FXN: variants seen among roughly 807,000 people sequenced by gnomAD.
FXN encodes frataxin, also known as frataxin, mitochondrial.
In FXN, 14 loss-of-function variants were observed where a neutral mutation model predicts 22.4. The observed-to-expected ratio is 0.62, with a 90% CI of 0.41 to 0.98. FXN has a LOEUF of 0.98. Among genes scored for constraint, FXN ranks in the 50% least tolerant of loss-of-function variants. FXN has a pLI of 0.00. For missense variants in FXN, 267 were observed against 268.4 expected (o/e 0.99, Z 0.04); for synonymous variants, 120 against 114.1 (o/e 1.05, Z -0.33).
intron 2 of FXN, 24 bp downstream of exon 2, chr9:69,046,506 C>A: frequency 6.6e-7 from 1 of 1,510,876 alleles, no homozygotes; most frequent in South Asian, 1.1e-5. Flanking sequence ...CCTTCCACGT[C>A]ATAGGTATCT....
At position 69,078,065 on chromosome 9, in the gene FXN, G is replaced by C. The variant is rs1300695056; in HGVS notation, c.*5303G>C. 1.0e-6 allele frequency: 1 copy of C among 985,240 alleles called. No homozygotes were observed. The highest frequency in any genetic ancestry group is 1.2e-6 in the Non-Finnish European group (1 of 829,914). 61.0% of individuals were successfully genotyped at this position (985,240 alleles called of 1,614,324 possible). A position where few individuals can be genotyped will look rare whatever the true frequency, so the allele number is the denominator to read the frequency against. On this transcript the variant is annotated 3_prime_UTR_variant, in exon 5 of 5. Coordinates refer to ENST00000484259, the MANE Select transcript of FXN (RefSeq NM_000144.5). ...GATGCTAGCTGAGATTTTTCCAAAA[G>C]AAAATGGCTTAAATAAAACCCTAAG... is the stretch of plus-strand genomic sequence containing the variant.
Position 69,055,039 on chromosome 9 carries a change from G to A in FXN, c.384+1779G>A, listed in dbSNP as rs567002869. Among the ~76,000 whole-genome samples, 177 of 152,324 alleles carry A rather than the reference G, an allele frequency of 1.2e-3. 1 individual carries two copies. The highest frequency in any genetic ancestry group is 3.8e-3 in the African/African-American group (158 of 41,564). On this transcript the variant is annotated intron_variant, in intron 3 of 4. Transcript: ENST00000484259. ...TCAAGCCTGACTATAAGGACAGTGA[G>A]GGAATTGAAAAAACAAAAAAGGAGC...
At position 69,035,919 on chromosome 9, in the gene FXN, T is replaced by G. The variant is rs1464752486; in HGVS notation, c.137T>G (p.Ile46Ser). ...LCGRRGLRTDIDATCTPRRAS... is the reference protein window; with the variant it reads ...LCGRRGLRTDSDATCTPRRAS... Reference sequence around the variant, plus strand: ...GGCCGCCGTGGCCTGCGCACCGACATCGATGCGACCTGCACGCCCCGCCGC... The same window carrying G: ...GGCCGCCGTGGCCTGCGCACCGACAGCGATGCGACCTGCACGCCCCGCCGC... Residue 46 changes from isoleucine to serine, a missense_variant, in exon 1 of 5, where the codon ATC becomes AGC. Ile to Ser is a moderately radical substitution (Grantham distance 142). Transcript: ENST00000484259. The G allele has an allele frequency of 7.0e-7, 1 of 1,430,054 alleles. No homozygotes were observed. Among genetic ancestry groups the G allele is most frequent in the Non-Finnish European group, 9.2e-7 (1 of 1,091,694 alleles). 88.6% of individuals were successfully genotyped at this position (1,430,054 alleles called of 1,614,324 possible). A position where few individuals can be genotyped will look rare whatever the true frequency, so the allele number is the denominator to read the frequency against.
chr9:69,039,925 G>A (rs1452813519), intron 1 of FXN, among the ~76,000 whole-genome samples: 1 of 152,106 alleles, frequency 6.6e-6, no homozygotes, highest in Non-Finnish European at 1.5e-5. Context: ...ATATGGTAAG[G>A]GGCTGAGTGT....
intron 1 of FXN, among the ~76,000 whole-genome samples, chr9:69,041,182 A>G (rs1386638736): frequency 2.6e-5 from 4 of 152,140 alleles, no homozygotes; most frequent in African/African-American, 4.8e-5. Flanking sequence ...AATTCTGTTC[A>G]TCGTACCCTC....
rs78630091 is a variant in FXN at position 69,070,516 on chromosome 9, T to G, written c.483-2096T>G. Reference sequence around the variant, plus strand: ...TGCAGAACACCAGCTGGTTTGATTCTGTTTTCCCTGTACCTGGGTCCTGAA... The same window carrying G: ...TGCAGAACACCAGCTGGTTTGATTCGGTTTTCCCTGTACCTGGGTCCTGAA... On this transcript the variant is annotated intron_variant, in intron 4 of 4. Transcript: ENST00000484259. Among the ~76,000 whole-genome samples the G allele has an allele frequency of 1.1e-3, 173 of 152,298 alleles. 1 individual carries two copies. Among genetic ancestry groups the G allele is most frequent in the African/African-American group, 4.1e-3 (170 of 41,570 alleles).
Position 69,072,849 on chromosome 9 carries a change from TTG to T in FXN, c.*89_*90del. The T allele has an allele frequency of 1.9e-6, 3 of 1,605,862 alleles. No homozygotes were observed. The highest frequency in any genetic ancestry group is 2.5e-6 in the Non-Finnish European group (3 of 1,178,302). Reference sequence around the variant, plus strand: ...AGCTGAGGTCTGTTTTTTGTTGTTGTTGTTGTTTATTTTTTTTATTCCTGCTT... The same window carrying T: ...AGCTGAGGTCTGTTTTTTGTTGTTGTTTGTTTATTTTTTTTATTCCTGCTT... On this transcript the variant is annotated 3_prime_UTR_variant, in exon 5 of 5. Coordinates refer to ENST00000484259, the MANE Select transcript of FXN (RefSeq NM_000144.5).
chr9:69,065,613 G>A (rs551123696), intron 4 of FXN, among the ~76,000 whole-genome samples: 2 of 151,402 alleles, frequency 1.3e-5, no homozygotes, highest in Non-Finnish European at 2.9e-5. Context: ...TTTGCAGCCT[G>A]TCTCATTCTC....
At chr9:69,053,372 G>T in intron 3 of FXN, 112 bp downstream of exon 3, 1 of 1,347,700 alleles carries the variant, frequency 7.4e-7, no homozygotes. Context: ...GTAGTTGTAG[G>T]TAGGATTAAA....
At chr9:69,048,885 G>A (rs904828843) in intron 2 of FXN, among the ~76,000 whole-genome samples, 3 of 152,174 alleles carry the variant, frequency 2.0e-5, no homozygotes, top group South Asian at 2.1e-4. Flanking sequence ...TGAGCCTCCC[G>A]CCTGCGGTGT....
At chr9:69,055,826 G>A (rs1372663584) in intron 3 of FXN, among the ~76,000 whole-genome samples, 1 of 150,912 alleles carries the variant, frequency 6.6e-6, no homozygotes, top group Non-Finnish European at 1.5e-5. Context: ...CTATTGAACT[G>A]AAAAAGTCAC....
Position 69,057,116 on chromosome 9 carries a change from G to GA in FXN, c.384+3864dup, listed in dbSNP as rs917134888. ...GCTAGTTTCTATTTAGCCCTTAGGG[G>GA]AAAAAAAACTAATGGCAGTTAGGGA... On this transcript the variant is annotated intron_variant, in intron 3 of 4. Transcript: ENST00000484259. Among the ~76,000 whole-genome samples the GA allele has an allele frequency of 3.3e-5, 5 of 151,748 alleles. 1 individual carries two copies. The highest frequency in any genetic ancestry group is 2.9e-5 in the Non-Finnish European group (2 of 67,932).
At chr9:69,042,936 G>A (rs1403022218) in intron 1 of FXN, among the ~76,000 whole-genome samples, 2 of 152,196 alleles carry the variant, frequency 1.3e-5, no homozygotes, top group Admixed American at 6.5e-5. Context: ...CTTAATGTCT[G>A]TGTATCTGTG....
rs146989206 is a variant in FXN, at chr9:69,057,535, G to A, written c.384+4275G>A. Among the ~76,000 whole-genome samples, 799 of 152,252 alleles carry A rather than the reference G, an allele frequency of 5.2e-3. 1 individual carries two copies. Among genetic ancestry groups the A allele is most frequent in the African/African-American group, 0.018 (745 of 41,546 alleles). On this transcript the variant is annotated intron_variant, in intron 3 of 4. Coordinates refer to ENST00000484259, the MANE Select transcript of FXN (RefSeq NM_000144.5). ...CATTTACTAATTAGCAAATGCTTAA[G>A]TGTAGATTTAGAAAGCTAAAGCTAT...
intron 4 of FXN, among the ~76,000 whole-genome samples, chr9:69,065,540 C>CAAAAA (rs34769489): frequency 3.6e-5 from 5 of 140,732 alleles, no homozygotes; most frequent in African/African-American, 5.3e-5. Flanking sequence ...GACCCTGTCC[C>CAAAAA]AAAAAAAAAA....
chr9:69,071,039 C>T (rs189137145), intron 4 of FXN, among the ~76,000 whole-genome samples: 14 of 152,118 alleles, frequency 9.2e-5, no homozygotes, highest in African/African-American at 3.4e-4. Context: ...GCAGTCTTAC[C>T]TCCCACCTTG....
At chr9:69,048,255 G>A (rs1013463260) in intron 2 of FXN, among the ~76,000 whole-genome samples, 2 of 152,176 alleles carry the variant, frequency 1.3e-5, no homozygotes, top group Non-Finnish European at 2.9e-5. Context: ...CCTGGTTTTT[G>A]CAGCAGGACT....
At position 69,077,288 on chromosome 9, in the gene FXN, G is replaced by A. The variant is rs954508588; in HGVS notation, c.*4526G>A. 2 of 985,222 alleles carry A rather than the reference G, an allele frequency of 2.0e-6. No homozygotes were observed. The highest frequency in any genetic ancestry group is 6.1e-5 in the Admixed American group (1 of 16,264). 61.0% of individuals were successfully genotyped at this position (985,222 alleles called of 1,614,324 possible). On this transcript the variant is annotated 3_prime_UTR_variant, in exon 5 of 5. Coordinates refer to ENST00000484259, the MANE Select transcript of FXN (RefSeq NM_000144.5). The stretch of plus-strand genomic sequence containing the variant: ...TGCATCCCGAAGTACCTGATCAGTG[G>A]CCCCTTTGGAATGTGTAAAACTCAG...
At chr9:69,070,724 A>AT (rs1301652494) in intron 4 of FXN, among the ~76,000 whole-genome samples, 1 of 150,964 alleles carries the variant, frequency 6.6e-6, no homozygotes, top group African/African-American at 2.5e-5. Context: ...TATAAAAAAA[A>AT]TTTTGTTTTT....
Sources: allele counts gnomAD v4.1 joint callset (sites outside exome capture counted in the v4.1 genomes callset), GRCh38; gene constraint gnomAD v4.1.1; transcripts MANE v1.5; gene names NCBI Gene and HGNC (gene_info 2026-07-23, HGNC 2026-07-21).